Variants in NBPF3 observed in about 807,000 individuals in gnomAD.
NBPF3 encodes NBPF member 3, also known as NBPF family member NBPF3.
A neutral mutation model predicts 78.1 loss-of-function variants in NBPF3; 57 were observed. The ratio of observed to expected loss-of-function variants is 0.73; its 90% CI spans 0.59 to 0.91. NBPF3 has a LOEUF of 0.91. NBPF3 is among the 40% of genes least tolerant of loss of function. NBPF3 has a pLI of 0.00. For synonymous variants in NBPF3, 182 were observed against 271.7 expected (o/e 0.67, Z 3.25); for missense variants, 510 against 715.3 (o/e 0.71, Z 3.27).
chr1:21,441,343 T>G (rs1024754529), intron 1 of NBPF3, among the ~76,000 whole-genome samples: 8 of 152,188 alleles, frequency 5.3e-5, no homozygotes, highest in African/African-American at 1.9e-4. Flanking sequence ...GCTTTAAGAT[T>G]TCTGATAACT....
intron 2 of NBPF3, chr1:21,449,718 G>A (rs1486375912): frequency 6.5e-6 from 1 of 152,900 alleles, no homozygotes; most frequent in African/African-American, 2.4e-5. Context: ...TGATCCACCT[G>A]CCTTAGCCTC....
intron 10 of NBPF3, among the ~76,000 whole-genome samples, chr1:21,479,772 G>A (rs113032603): frequency 6.8e-6 from 1 of 147,040 alleles, no homozygotes; most frequent in East Asian, 2.0e-4. Context: ...GTGTCACCTG[G>A]CCAATTCACT....
At chr1:21,471,240 C>T (rs1448013734) in intron 4 of NBPF3, among the ~76,000 whole-genome samples, 4 of 152,110 alleles carry the variant, frequency 2.6e-5, no homozygotes, top group African/African-American at 9.7e-5. Flanking sequence ...TGTGTATATG[C>T]ACGTGGAAAT....
chr1:21,462,696 C>T (rs562472030), intron 2 of NBPF3, among the ~76,000 whole-genome samples: 3 of 152,296 alleles, frequency 2.0e-5, no homozygotes, highest in African/African-American at 7.2e-5. Context: ...AGACTAATTC[C>T]AGCAAAAATA....
chr1:21,444,220 A>C (rs1640831018), intron 1 of NBPF3, among the ~76,000 whole-genome samples: 1 of 152,256 alleles, frequency 6.6e-6, no homozygotes, highest in Non-Finnish European at 1.5e-5. Context: ...ACCATCTAAC[A>C]AATAAAATAG....
At chr1:21,440,877 A>T (rs1235840447) in intron 1 of NBPF3, 2 of 152,238 alleles carry the variant, frequency 1.3e-5, no homozygotes, top group Non-Finnish European at 2.9e-5. Flanking sequence ...TCACCTCCTG[A>T]CTAGCGGGGC....
In NBPF3 at chr1:21,471,683, C is replaced by T. The variant is rs1411301578; in HGVS notation, c.561C>T (p.Leu187=). 5 of 1,613,524 alleles carry T rather than the reference C, an allele frequency of 3.1e-6. No homozygotes were observed. The highest frequency in any genetic ancestry group is 3.3e-5 in the Admixed American group (2 of 60,016). ...RSLNQHLQAL[L]TPDEPDNSQG... is the part of the protein sequence containing the mutation. Reference sequence around the variant, plus strand: ...TGAATCAGCATCTCCAGGCCCTCCTCACTCCGGATGAGCCGGACAACTCCC... The same window carrying T: ...TGAATCAGCATCTCCAGGCCCTCCTTACTCCGGATGAGCCGGACAACTCCC... Residue 187 remains leucine, a synonymous_variant, in exon 5 of 15, where the codon CTC becomes CTT. Coordinates refer to ENST00000318249, the MANE Select transcript of NBPF3 (RefSeq NM_032264.6).
upstream of NBPF3, chr1:21,437,578 G>A (rs1640450278): frequency 4.4e-6 from 4 of 909,678 alleles, no homozygotes; most frequent in Admixed American, 3.1e-5. Flanking sequence ...ATAAGTCAGC[G>A]TTTGGGCATA....
At chr1:21,457,420 ATG>A (rs1641688835) in intron 2 of NBPF3, among the ~76,000 whole-genome samples, 2 of 122,998 alleles carry the variant, frequency 1.6e-5, no homozygotes, top group African/African-American at 5.4e-5. Context: ...GTGTATATAT[ATG>A]TGTGTTTATA....
At chr1:21,474,376 G>A (rs1642777702) in intron 7 of NBPF3, among the ~76,000 whole-genome samples, 1 of 152,018 alleles carries the variant, frequency 6.6e-6, no homozygotes, top group African/African-American at 2.4e-5. Flanking sequence ...GCTAATTTTT[G>A]TATTTTTATT....
At chr1:21,453,439 A>G (rs1249697961) in intron 2 of NBPF3, 1 of 152,132 alleles carries the variant, frequency 6.6e-6, no homozygotes, top group Non-Finnish European at 1.5e-5. Context: ...AGGTGAGGAG[A>G]ACAGCGGCAT....
At chr1:21,437,390 G>A, upstream of NBPF3, 1 of 869,788 alleles carries the variant, frequency 1.1e-6, no homozygotes, top group Non-Finnish European at 1.7e-6. Flanking sequence ...AGCACATTGG[G>A]GAGTGGAATC....
chr1:21,468,784 A>G lies in NBPF3; in HGVS notation c.230A>G (p.Asn77Ser). 6.2e-7 allele frequency: 1 copy of G among 1,614,050 alleles called. No homozygotes were observed. Among genetic ancestry groups the G allele is most frequent in the South Asian group, 1.1e-5 (1 of 91,080 alleles). ...GCAGAGATGAACATTCTAGAAATCA[A>G]CAAGAAATCGCGCCCCCAGCTGGCA... is the stretch of plus-strand genomic sequence containing the variant. ...EKAEMNILEI[N>S]KKSRPQLAEN... Residue 77 changes from asparagine (N) to serine (S), a missense_variant, in exon 3 of 15, where the codon AAC becomes AGC. By Grantham distance (46) the Asn-to-Ser change is conservative. This residue lies in a region of NBPF3 where 440 missense variants were observed against 478.2 expected (regional missense o/e 0.92). Coordinates refer to ENST00000318249, the MANE Select transcript of NBPF3 (RefSeq NM_032264.6).
In NBPF3 at chr1:21,444,972, A is replaced by C; in HGVS notation, c.-115A>C. On this transcript the variant is annotated 5_prime_UTR_variant, in exon 2 of 15. Coordinates refer to ENST00000318249, the MANE Select transcript of NBPF3 (RefSeq NM_032264.6). ...GGCAATCTGAAGGCAAATCCTGTTT[A>C]GACCCAGGCGAAGGTTCCTGGTGAC... is the stretch of plus-strand genomic sequence containing the variant. 1.7e-6 allele frequency: 2 copies of C among 1,170,644 alleles called. No homozygotes were observed. Among genetic ancestry groups the C allele is most frequent in the South Asian group, 3.4e-5 (2 of 58,802 alleles). The allele number at this position is 1,170,644 out of a possible 1,614,324, so 72.5% of individuals were successfully genotyped here.
At chr1:21,437,955 G>A (rs371326235), upstream of NBPF3, among the ~76,000 whole-genome samples, 1 of 152,058 alleles carries the variant, frequency 6.6e-6, no homozygotes, top group African/African-American at 2.4e-5. Context: ...CCGAGTAGCT[G>A]GGATTACAGG....
chr1:21,443,780 A>G (rs1388230589), intron 1 of NBPF3, among the ~76,000 whole-genome samples: 1 of 151,862 alleles, frequency 6.6e-6, no homozygotes, highest in East Asian at 1.9e-4. Context: ...TGCCTGGCTA[A>G]TTTTCTCCTT....
At chr1:21,473,872 T>C (rs921577395) in intron 7 of NBPF3, among the ~76,000 whole-genome samples, 1 of 152,186 alleles carries the variant, frequency 6.6e-6, no homozygotes, top group African/African-American at 2.4e-5. Flanking sequence ...ATTCAGTATC[T>C]CTTGTCACCT....
At chr1:21,468,313 C>G in intron 2 of NBPF3, 1 of 873,946 alleles carries the variant, frequency 1.1e-6, no homozygotes, top group Non-Finnish European at 1.5e-6. Flanking sequence ...GAGGAATGAT[C>G]CCCATTGGTG....
intron 4 of NBPF3, 56 bp downstream of exon 4, chr1:21,470,790 C>T: frequency 2.5e-6 from 3 of 1,206,622 alleles, no homozygotes; most frequent in South Asian, 2.4e-5. Flanking sequence ...ATCTGAAGTA[C>T]AGCAGCTCGG....
Sources: allele counts gnomAD v4.1 joint callset (sites outside exome capture counted in the v4.1 genomes callset), GRCh38; gene constraint gnomAD v4.1.1; regional missense constraint gnomAD v4.1.1; transcripts MANE v1.5; gene names NCBI Gene and HGNC (gene_info 2026-07-23, HGNC 2026-07-21).